FHIT: variants seen among roughly 807,000 people sequenced by gnomAD.
FHIT encodes the protein fragile histidine triad diadenosine triphosphatase, also known as bis(5'-adenosyl)-triphosphatase.
FHIT carries 19 observed loss-of-function variants against 17.9 expected under a neutral mutation model. The observed-to-expected ratio is 1.06, with a 90% confidence interval of 0.74 to 1.56. FHIT has a LOEUF of 1.56. Ranked by LOEUF, FHIT falls within the 40% of genes most tolerant of loss-of-function variation. The pLI is 0.00. For synonymous variants in FHIT, 81 were observed against 69.7 expected, an observed-to-expected ratio of 1.16 and a Z score of -0.81; for missense variants, 248 against 189.2, an observed-to-expected ratio of 1.31 and a Z score of -1.82.
At chr3:60,270,133 G>A (rs1434432791) in intron 5 of FHIT, among the ~76,000 whole-genome samples, 1 of 152,182 alleles carries the variant, frequency 6.6e-6, no homozygotes, top group East Asian at 1.9e-4. Flanking sequence ...TGACAGCGAA[G>A]TCAGGTGACA....
intron 3 of FHIT, among the ~76,000 whole-genome samples, chr3:60,955,597 CATATATATATATATATATATATATAT>C (rs201555469): frequency 0.43 from 33,507 of 77,752 alleles, 6,302 homozygotes; most frequent in East Asian, 0.71. Context: ...CATATATATA[CATATATATATATATATATATATATAT>C]ATATATATAT....
intron 8 of FHIT, among the ~76,000 whole-genome samples, chr3:59,917,368 T>C (rs899254014): frequency 2.0e-5 from 3 of 152,210 alleles, no homozygotes; most frequent in African/African-American, 7.2e-5. Context: ...AATTGTCCAA[T>C]ACAGTTATGA....
At chr3:60,583,632 TAA>T (rs1205865193) in intron 4 of FHIT, among the ~76,000 whole-genome samples, 2 of 152,094 alleles carry the variant, frequency 1.3e-5, no homozygotes, top group Non-Finnish European at 2.9e-5. Context: ...TTCAAAAATG[TAA>T]AAGTTATCTT....
chr3:61,048,170 C>A (rs1032983348), intron 2 of FHIT, among the ~76,000 whole-genome samples: 1 of 152,028 alleles, frequency 6.6e-6, no homozygotes, highest in Non-Finnish European at 1.5e-5. Context: ...AAAGAAACCA[C>A]CATCAGAGTG....
intron 5 of FHIT, among the ~76,000 whole-genome samples, chr3:60,382,918 C>A (rs544790206): frequency 6.6e-6 from 1 of 152,316 alleles, no homozygotes; most frequent in South Asian, 2.1e-4. Context: ...TGCTTCAACA[C>A]CTTTACCTTC....
At chr3:59,959,295 A>G (rs1177133441) in intron 7 of FHIT, among the ~76,000 whole-genome samples, 1 of 152,194 alleles carries the variant, frequency 6.6e-6, no homozygotes, top group African/African-American at 2.4e-5. Flanking sequence ...CTCACCATGA[A>G]CAGTTACTAT....
At chr3:60,513,998 G>A (rs984596198) in intron 5 of FHIT, among the ~76,000 whole-genome samples, 2 of 152,178 alleles carry the variant, frequency 1.3e-5, no homozygotes, top group South Asian at 4.1e-4. Flanking sequence ...TTGGGGAGAA[G>A]TTTGGCCAGG....
At chr3:60,093,826 T>C (rs1467832764) in intron 5 of FHIT, among the ~76,000 whole-genome samples, 4 of 152,104 alleles carry the variant, frequency 2.6e-5, no homozygotes, top group South Asian at 2.1e-4. Context: ...TGTGGGAAAA[T>C]TGTCTTCCAT....
At chr3:61,071,225 A>T (rs972533428) in intron 2 of FHIT, among the ~76,000 whole-genome samples, 5 of 152,208 alleles carry the variant, frequency 3.3e-5, no homozygotes, top group African/African-American at 1.2e-4. Flanking sequence ...CTCCAAAAGA[A>T]AAAGAAAAGA....
chr3:60,753,933 GA>G (rs797033543), intron 4 of FHIT, among the ~76,000 whole-genome samples: 214 of 146,722 alleles, frequency 1.5e-3, no homozygotes, highest in African/African-American at 4.9e-3. Flanking sequence ...AGATTACAAG[GA>G]AAAAAAAAAG....
At chr3:59,834,583 T>A (rs1375156747) in intron 8 of FHIT, among the ~76,000 whole-genome samples, 1 of 152,160 alleles carries the variant, frequency 6.6e-6, no homozygotes, top group Non-Finnish European at 1.5e-5. Context: ...TCTTCCAGGT[T>A]GTAGATTGTC....
chr3:60,440,652 TA>T (rs368093980), intron 5 of FHIT, among the ~76,000 whole-genome samples: 336 of 152,232 alleles, frequency 2.2e-3, no homozygotes, highest in Middle Eastern at 0.014. Context: ...CCAAACTATA[TA>T]ACCCAAAGAC....
In FHIT at chr3:60,194,921, C is replaced by T. The variant is rs139309731; in HGVS notation, c.104-180769G>A. ...TGGCTCACACCTGTAATCCCAGCAC[C>T]TTAGGAGGCCGAGGAGGGTGGATCA... On this transcript the variant is annotated intron_variant, in intron 5 of 9. Coordinates refer to ENST00000492590, the MANE Select transcript of FHIT (RefSeq NM_002012.4). 2.4e-3 allele frequency among the ~76,000 whole-genome samples: 369 copies of T among 152,124 alleles called. 2 individuals are homozygous for T. Among genetic ancestry groups the T allele is most frequent in the African/African-American group, 8.3e-3 (346 of 41,518 alleles).
chr3:59,921,466 T>C (rs1705399701), intron 8 of FHIT, among the ~76,000 whole-genome samples: 2 of 148,724 alleles, frequency 1.3e-5, no homozygotes. Flanking sequence ...ACGGCAAATA[T>C]GATACCTACC....
At position 60,268,195 on chromosome 3, in the gene FHIT, T is replaced by G. The variant is rs148123821; in HGVS notation, c.104-254043A>C. 8.5e-5 allele frequency among the ~76,000 whole-genome samples: 13 copies of G among 152,334 alleles called. No individual in the cohort carries two copies. In the East Asian group the frequency reaches 1.9e-3, roughly 23 times the overall value. Reference sequence around the variant, plus strand: ...ACTCCTTGAAAAGCAGTCTGAACTTTTGAGTTTTTAGCATAATATTCTTAT... The same window carrying G: ...ACTCCTTGAAAAGCAGTCTGAACTTGTGAGTTTTTAGCATAATATTCTTAT... On this transcript the variant is annotated intron_variant, in intron 5 of 9. Transcript: ENST00000492590.
intron 7 of FHIT, among the ~76,000 whole-genome samples, chr3:59,986,623 G>T (rs1174004355): frequency 4.6e-5 from 2 of 43,846 alleles, no homozygotes; most frequent in African/African-American, 9.5e-5. Flanking sequence ...ATATGTCTAG[G>T]ATTTACTATA....
chr3:59,945,175 A>C (rs1706738009), intron 7 of FHIT, among the ~76,000 whole-genome samples: 1 of 151,942 alleles, frequency 6.6e-6, no homozygotes, highest in Non-Finnish European at 1.5e-5. Flanking sequence ...CCACAACCTC[A>C]CCACTACCTG....
intron 4 of FHIT, among the ~76,000 whole-genome samples, chr3:60,648,488 G>C (rs1463799696): frequency 1.3e-5 from 2 of 151,990 alleles, no homozygotes; most frequent in African/African-American, 4.8e-5. Flanking sequence ...TAGGAGTTGG[G>C]GGTGAAGGAT....
chr3:60,323,936 G>T (rs1559819661), intron 5 of FHIT, among the ~76,000 whole-genome samples: 3 of 152,158 alleles, frequency 2.0e-5, no homozygotes, highest in African/African-American at 7.2e-5. Context: ...AGGGTTGAAA[G>T]AAATGAAAGG....
Sources: allele counts gnomAD v4.1 joint callset (sites outside exome capture counted in the v4.1 genomes callset), GRCh38; gene constraint gnomAD v4.1.1; transcripts MANE v1.5; gene names NCBI Gene and HGNC (gene_info 2026-07-23, HGNC 2026-07-21).